Variants in OSBPL1A observed in about 807,000 individuals in gnomAD.
OSBPL1A encodes oxysterol-binding protein-related protein 1.
A neutral mutation model predicts 137.1 loss-of-function variants in OSBPL1A; 80 were observed. The observed-to-expected ratio is 0.58, with a 90% confidence interval of 0.49 to 0.70. OSBPL1A has a LOEUF of 0.70. Among genes scored for constraint, OSBPL1A ranks in the 30% least tolerant of loss-of-function variants. The probability of loss-of-function intolerance (pLI) is 0.00; values close to 1 mark genes in which losing one functional copy is unlikely to be tolerated. For synonymous variants in OSBPL1A, 365 were observed against 389.7 expected, an observed-to-expected ratio of 0.94 and a Z score of 0.75; for missense variants, 970 against 1,129.4, an observed-to-expected ratio of 0.86 and a Z score of 2.02.
At chr18:24,319,056 G>A (rs1035715677) in intron 7 of OSBPL1A, among the ~76,000 whole-genome samples, 2 of 152,068 alleles carry the variant, frequency 1.3e-5, no homozygotes, top group African/African-American at 4.8e-5. Context: ...ATAAATTTGT[G>A]GCTTAAACAA....
intron 15 of OSBPL1A, among the ~76,000 whole-genome samples, chr18:24,276,875 A>G (rs553678925): frequency 6.6e-6 from 1 of 152,292 alleles, no homozygotes; most frequent in East Asian, 1.9e-4. Context: ...CCCACATACC[A>G]CAGAAATAGA....
At chr18:24,252,590 A>T (rs1299471749) in intron 15 of OSBPL1A, among the ~76,000 whole-genome samples, 1 of 152,208 alleles carries the variant, frequency 6.6e-6, no homozygotes, top group Non-Finnish European at 1.5e-5. Flanking sequence ...GGAGGTCTTT[A>T]ATCTGAAAAA....
At chr18:24,303,400 T>C (rs2090441081) in intron 14 of OSBPL1A, among the ~76,000 whole-genome samples, 1 of 152,220 alleles carries the variant, frequency 6.6e-6, no homozygotes, top group Non-Finnish European at 1.5e-5. Context: ...CCAAAAACAT[T>C]AACTTTAAAC....
At chr18:24,266,680 G>C (rs1215231272) in intron 15 of OSBPL1A, among the ~76,000 whole-genome samples, 1 of 152,134 alleles carries the variant, frequency 6.6e-6, no homozygotes, top group Admixed American at 6.5e-5. Context: ...AAATGTTAGG[G>C]GGATAGTACC....
rs879426609 is a variant in OSBPL1A, at chr18:24,397,763, C to G, written c.-111G>C. 6.6e-6 allele frequency: 1 copy of G among 152,264 alleles called. No individual in the cohort carries two copies. Among genetic ancestry groups the G allele is most frequent in the African/African-American group, 2.4e-5 (1 of 41,466 alleles). 9.4% of individuals were successfully genotyped at this position (152,264 alleles called of 1,614,324 possible). A position where few individuals can be genotyped will look rare whatever the true frequency, so the allele number is the denominator to read the frequency against. On this transcript the variant is annotated 5_prime_UTR_variant, in exon 1 of 28. Transcript: ENST00000319481. Reference sequence around the variant, plus strand: ...AGTGGTCGTCACCAACTCTGGCTGGCACTCCCCGAGGACGCTCGAGCCCGC... The same window carrying G: ...AGTGGTCGTCACCAACTCTGGCTGGGACTCCCCGAGGACGCTCGAGCCCGC...
intron 14 of OSBPL1A, among the ~76,000 whole-genome samples, chr18:24,284,666 T>G (rs1226347606): frequency 6.6e-6 from 1 of 152,126 alleles, no homozygotes; most frequent in African/African-American, 2.4e-5. Context: ...GCCTAACATT[T>G]AAGATGCTCA....
intron 15 of OSBPL1A, among the ~76,000 whole-genome samples, chr18:24,269,561 CA>C (rs529862999): frequency 6.6e-5 from 10 of 151,490 alleles, no homozygotes; most frequent in Middle Eastern, 3.4e-3. Context: ...TCAAATGACT[CA>C]AAAAAAAGTC....
intron 7 of OSBPL1A, chr18:24,321,776 G>C (rs2090865363): frequency 2.2e-6 from 1 of 462,460 alleles, no homozygotes; most frequent in African/African-American, 2.0e-5. Flanking sequence ...AAGAAAAAGA[G>C]ATGGCATGAT....
At chr18:24,190,589 C>T (rs1426868957) in intron 18 of OSBPL1A, among the ~76,000 whole-genome samples, 2 of 152,180 alleles carry the variant, frequency 1.3e-5, no homozygotes, top group African/African-American at 4.8e-5. Flanking sequence ...CAAGCCATTT[C>T]TCCCCAGGTT....
chr18:24,354,721 G>T (rs573140582), intron 4 of OSBPL1A, among the ~76,000 whole-genome samples: 61 of 116,332 alleles, frequency 5.2e-4, no homozygotes, highest in African/African-American at 1.9e-3. Flanking sequence ...CATCAGTGTA[G>T]TACAAGGCAG....
intron 7 of OSBPL1A, among the ~76,000 whole-genome samples, chr18:24,328,218 A>ATTTTTTTTTTTTTT (rs564798076): frequency 2.1e-5 from 1 of 48,598 alleles, no homozygotes; most frequent in Admixed American, 2.4e-4. Context: ...AATTTTTTGT[A>ATTTTTTTTTTTTTT]TTTTTTTTTT....
At chr18:24,295,874 A>G (rs1053028090) in intron 14 of OSBPL1A, among the ~76,000 whole-genome samples, 31 of 150,686 alleles carry the variant, frequency 2.1e-4, no homozygotes, top group Non-Finnish European at 8.9e-5. Flanking sequence ...TTTTTTCTCC[A>G]TAACAGTAAC....
intron 15 of OSBPL1A, among the ~76,000 whole-genome samples, 171 bp from the exon 16 acceptor site, chr18:24,239,553 G>C (rs2088613797): frequency 6.6e-6 from 1 of 152,102 alleles, no homozygotes; most frequent in South Asian, 2.1e-4. Context: ...AACTAATTTT[G>C]TTCTTCCCAT....
At chr18:24,379,763 C>A (rs552510300) in intron 1 of OSBPL1A, among the ~76,000 whole-genome samples, 4 of 151,094 alleles carry the variant, frequency 2.6e-5, no homozygotes, top group Non-Finnish European at 1.5e-5. Flanking sequence ...CCAGCTATAT[C>A]GGGAGGCTGA....
At chr18:24,201,233 T>C (rs1450340512) in intron 17 of OSBPL1A, among the ~76,000 whole-genome samples, 1 of 152,094 alleles carries the variant, frequency 6.6e-6, no homozygotes, top group Non-Finnish European at 1.5e-5. Flanking sequence ...CAATAACTGG[T>C]TTTTAAATGA....
chr18:24,219,414 G>A (rs1417938641), intron 17 of OSBPL1A, among the ~76,000 whole-genome samples: 2 of 152,156 alleles, frequency 1.3e-5, no homozygotes, highest in Non-Finnish European at 2.9e-5. Context: ...TATTCTACTT[G>A]TAGGCATGCT....
At chr18:24,272,311 T>C (rs1193088093) in intron 15 of OSBPL1A, 3 of 977,872 alleles carry the variant, frequency 3.1e-6, no homozygotes, top group Non-Finnish European at 3.6e-6. Flanking sequence ...AGCAAAGGAA[T>C]CTTCTCTCCA....
intron 2 of OSBPL1A, among the ~76,000 whole-genome samples, chr18:24,375,152 A>T (rs1409249980): frequency 1.3e-5 from 2 of 151,888 alleles, no homozygotes; most frequent in Non-Finnish European, 2.9e-5. Context: ...CCGTTTCTAC[A>T]AGAAATACAA....
At chr18:24,240,755 C>G (rs573619850) in intron 15 of OSBPL1A, among the ~76,000 whole-genome samples, 26 of 152,168 alleles carry the variant, frequency 1.7e-4, no homozygotes, top group African/African-American at 5.3e-4. Context: ...AACTGTAATC[C>G]CAACATATAA....
Sources: gnomAD v4.1 joint callset for allele counts (sites outside exome capture counted in the v4.1 genomes callset) on GRCh38, gnomAD v4.1.1 for gene constraint, MANE v1.5 for transcripts, NCBI Gene and HGNC (gene_info 2026-07-23, HGNC 2026-07-21) for gene names.